ANKRD26: variants seen among roughly 807,000 people sequenced by gnomAD.
ANKRD26 encodes ankyrin repeat domain 26.
ANKRD26 carries 141 observed loss-of-function variants against 208.7 expected under a neutral mutation model. The observed-to-expected ratio is 0.68, with a 90% confidence interval of 0.59 to 0.78. ANKRD26 has a LOEUF of 0.78. ANKRD26 is among the 30% of genes least tolerant of loss of function. The pLI is 0.00. For missense variants in ANKRD26, 1,889 were observed against 1,938.7 expected, an observed-to-expected ratio of 0.97 and a Z score of 0.48; for synonymous variants, 636 against 660.4, an observed-to-expected ratio of 0.96 and a Z score of 0.57.
the ANKRD26 span, among the ~76,000 whole-genome samples, chr10:26,955,432 A>AT: frequency 1.3e-3 from 201 of 152,094 alleles, no homozygotes; most frequent in African/African-American, 4.5e-3. Context: ...CCATCTCAAA[A>AT]AAAAAAATAT....
intron 33 of ANKRD26, among the ~76,000 whole-genome samples, chr10:27,005,999 T>C (rs921637827): frequency 6.6e-6 from 1 of 152,126 alleles, no homozygotes; most frequent in African/African-American, 2.4e-5. Context: ...AATTACAAGA[T>C]GAAGATGATA....
At chr10:27,088,044 C>T (rs1422047537) in intron 4 of ANKRD26, among the ~76,000 whole-genome samples, 1 of 152,110 alleles carries the variant, frequency 6.6e-6, no homozygotes, top group African/African-American at 2.4e-5. Flanking sequence ...CCTGTGCCTC[C>T]CAAAGTGCTG....
chr10:27,058,016 G>C (rs1428902069), intron 15 of ANKRD26, among the ~76,000 whole-genome samples: 1 of 151,676 alleles, frequency 6.6e-6, no homozygotes, highest in Non-Finnish European at 1.5e-5. Flanking sequence ...ATAAATCTAG[G>C]TGCACACTTG....
downstream of ANKRD26, among the ~76,000 whole-genome samples, chr10:26,990,014 T>C (rs1399628520): frequency 6.6e-6 from 1 of 152,076 alleles, no homozygotes; most frequent in Non-Finnish European, 1.5e-5. Context: ...TGGCCTCCTG[T>C]AAGGAAGTGA....
intron 1 of ANKRD26, among the ~76,000 whole-genome samples, chr10:27,094,380 A>T (rs1222460375): frequency 6.6e-6 from 1 of 152,200 alleles, no homozygotes. Flanking sequence ...CACATTAATG[A>T]AAGAGCAACC....
At chr10:27,020,881 G>A (rs896354581) in intron 29 of ANKRD26, among the ~76,000 whole-genome samples, 1 of 151,912 alleles carries the variant, frequency 6.6e-6, no homozygotes, top group Non-Finnish European at 1.5e-5. Flanking sequence ...GGCTGGTCTC[G>A]GAACTCCTGA....
At chr10:27,056,337 C>A (rs866547093) in intron 15 of ANKRD26, among the ~76,000 whole-genome samples, 2 of 151,980 alleles carry the variant, frequency 1.3e-5, no homozygotes, top group African/African-American at 4.8e-5. Flanking sequence ...GCCACCACAC[C>A]CAGCTAATTT....
intron 1 of ANKRD26, 21 bp downstream of exon 1, chr10:27,100,064 C>T: frequency 1.2e-6 from 2 of 1,613,352 alleles, no homozygotes; most frequent in Non-Finnish European, 1.7e-6. Context: ...GCACTCAGTC[C>T]GGGCTTGCGA....
At chr10:26,992,471 C>CAA (rs2052505113) in intron 5 of ANKRD26, among the ~76,000 whole-genome samples, 1 of 81,816 alleles carries the variant, frequency 1.2e-5, no homozygotes. Flanking sequence ...CACACACGTA[C>CAA]ACACACACAC....
intron 31 of ANKRD26, among the ~76,000 whole-genome samples, chr10:27,013,475 A>G (rs1293897818): frequency 1.3e-5 from 2 of 152,212 alleles, no homozygotes; most frequent in Non-Finnish European, 2.9e-5. Context: ...TTTAAAGGGT[A>G]AATATGTGAC....
At chr10:27,039,744 G>A (rs373070121) in intron 21 of ANKRD26, among the ~76,000 whole-genome samples, 1 of 152,024 alleles carries the variant, frequency 6.6e-6, no homozygotes, top group African/African-American at 2.4e-5. Flanking sequence ...TCTTCCATAC[G>A]ACAAACTTCT....
chr10:27,002,207 G>A (rs1486069448), downstream of ANKRD26, among the ~76,000 whole-genome samples: 1 of 152,186 alleles, frequency 6.6e-6, no homozygotes, highest in Non-Finnish European at 1.5e-5. Flanking sequence ...AAGGGTGCTG[G>A]AGTCCAAGGG....
At chr10:27,061,374 GTGTT>G (rs1225748298) in intron 12 of ANKRD26, 132 bp from the exon 13 acceptor site, 20 of 568,250 alleles carry the variant, frequency 3.5e-5, no homozygotes, top group Non-Finnish European at 6.1e-5. Flanking sequence ...AATCAATGCA[GTGTT>G]TATTTAAAAT....
Position 27,061,229 on chromosome 10 carries a change from T to G in ANKRD26, c.1377A>C (p.Ile459=). The G allele has an allele frequency of 6.2e-7, 1 of 1,600,298 alleles. No individual in the cohort carries two copies. Among genetic ancestry groups the G allele is most frequent in the Non-Finnish European group, 8.6e-7 (1 of 1,168,250 alleles). The change falls in exon 13 of 34, where the codon ATA becomes ATC. Residue 459 remains isoleucine (I), a synonymous_variant. Coordinates refer to ENST00000376087, the MANE Select transcript of ANKRD26 (RefSeq NM_014915.3). ...GNEQAEDVFY[I]PSCMSGSRNF... ...TTCTTGATCCACTCATGCAAGAAGG[T>G]ATATAAAACACATCTAAGAAATAAT...
chr10:26,988,211 T>C (rs2052421997), downstream of ANKRD26, among the ~76,000 whole-genome samples: 3 of 152,268 alleles, frequency 2.0e-5, 1 homozygote, highest in African/African-American at 2.4e-5. Flanking sequence ...ACAAACCCTC[T>C]ATGTTGTTTC....
At chr10:27,009,554 G>A (rs991255706) in intron 32 of ANKRD26, among the ~76,000 whole-genome samples, 4 of 152,060 alleles carry the variant, frequency 2.6e-5, no homozygotes, top group Admixed American at 2.6e-4. Flanking sequence ...AAATGTCTTG[G>A]TGACATTAAT....
intron 4 of ANKRD26, among the ~76,000 whole-genome samples, chr10:27,087,204 A>T (rs926878044): frequency 2.6e-5 from 4 of 152,228 alleles, no homozygotes; most frequent in African/African-American, 7.2e-5. Context: ...AACCCAGAAG[A>T]AGTCCTGGCT....
the ANKRD26 span, among the ~76,000 whole-genome samples, chr10:26,964,569 T>C: frequency 6.6e-6 from 1 of 152,208 alleles, no homozygotes; most frequent in African/African-American, 2.4e-5. Flanking sequence ...TAGTGTTTGA[T>C]TCATATACAC....
At chr10:26,952,699 G>A in the ANKRD26 span, among the ~76,000 whole-genome samples, 1 of 152,166 alleles carries the variant, frequency 6.6e-6, no homozygotes, top group Admixed American at 6.5e-5. Context: ...AGCAGATGAA[G>A]TTCCTCAAGA....
Sources: allele counts gnomAD v4.1 joint callset (sites outside exome capture counted in the v4.1 genomes callset), GRCh38; gene constraint gnomAD v4.1.1; transcripts MANE v1.5; gene names NCBI Gene and HGNC (gene_info 2026-07-23, HGNC 2026-07-21).